The following BASP1 variants were observed in gnomAD, a reference collection of about 807,000 sequenced individuals.
BASP1 encodes the protein brain abundant membrane attached signal protein 1.
A neutral mutation model predicts 2.2 loss-of-function variants in BASP1; 1 was observed. The ratio of observed to expected loss-of-function variants is 0.46; its 90% CI spans 0.16 to 2.17. BASP1 has a LOEUF of 2.17. BASP1 is among the 30% of genes most tolerant of loss of function. BASP1 has a pLI of 0.27. For synonymous variants in BASP1, 187 were observed against 154.2 expected, an observed-to-expected ratio of 1.21 and a Z score of -1.58; for missense variants, 352 against 327.2, an observed-to-expected ratio of 1.08 and a Z score of -0.58.
At chr5:17,272,889 A>G (rs1579505201) in intron 1 of BASP1, among the ~76,000 whole-genome samples, 1 of 152,310 alleles carries the variant, frequency 6.6e-6, no homozygotes, top group South Asian at 2.1e-4. Context: ...ACCCAACATG[A>G]CTTTAAACCT....
chr5:17,225,224 A>C (rs2242415), intron 1 of BASP1, among the ~76,000 whole-genome samples: 45,953 of 151,736 alleles, frequency 0.3, 7,473 homozygotes, highest in Non-Finnish European at 0.37. Context: ...ACTGTCTGCA[A>C]CGTAAAACTT....
intron 1 of BASP1, among the ~76,000 whole-genome samples, chr5:17,271,937 G>T (rs1231911027): frequency 1.3e-5 from 2 of 151,968 alleles, no homozygotes; most frequent in Non-Finnish European, 2.9e-5. Flanking sequence ...CATGGTGGCA[G>T]GCTCCTGTAA....
chr5:17,254,383 T>C (rs1740159961), intron 1 of BASP1, among the ~76,000 whole-genome samples: 1 of 152,162 alleles, frequency 6.6e-6, no homozygotes, highest in Non-Finnish European at 1.5e-5. Context: ...GTTTGGGAAG[T>C]GCTATGAATC....
intron 1 of BASP1, among the ~76,000 whole-genome samples, chr5:17,228,098 T>C (rs1739553266): frequency 6.6e-6 from 1 of 152,258 alleles, no homozygotes; most frequent in South Asian, 2.1e-4. Flanking sequence ...GACCCGATGA[T>C]TGACTGATGG....
At chr5:17,235,575 T>A (rs1212905016) in intron 1 of BASP1, among the ~76,000 whole-genome samples, 1 of 152,148 alleles carries the variant, frequency 6.6e-6, no homozygotes, top group East Asian at 1.9e-4. Context: ...TCTTTATGTT[T>A]TTTCATATGA....
At chr5:17,274,183 T>C (rs1740582206) in intron 1 of BASP1, among the ~76,000 whole-genome samples, 1 of 152,220 alleles carries the variant, frequency 6.6e-6, no homozygotes, top group African/African-American at 2.4e-5. Context: ...CGTGCATGTA[T>C]AGTTTGAATT....
Position 17,276,019 on chromosome 5 carries a change from C to G in BASP1, c.*119C>G. The G allele has an allele frequency of 1.2e-6, 1 of 846,620 alleles. No individual in the cohort carries two copies. Among genetic ancestry groups the G allele is most frequent in the Non-Finnish European group, 1.7e-6 (1 of 588,672 alleles). The allele number at this position is 846,620 out of a possible 1,614,324, so 52.4% of individuals were successfully genotyped here. On this transcript the variant is annotated 3_prime_UTR_variant, in exon 2 of 2. Coordinates refer to ENST00000322611, the MANE Select transcript of BASP1 (RefSeq NM_006317.5). The stretch of plus-strand genomic sequence containing the variant: ...CTCTCTCCTCTCCTATCTCTCCTCT[C>G]TCTCTCTCCTATACTAACTTGTTTC...
Position 17,260,656 on chromosome 5 carries a change from T to C in BASP1, c.-9-14552T>C, listed in dbSNP as rs1436037405. 6.6e-6 allele frequency among the ~76,000 whole-genome samples: 1 copy of C among 152,228 alleles called. No homozygotes were observed. Among genetic ancestry groups the C allele is most frequent in the East Asian group, 1.9e-4 (1 of 5,198 alleles). ...CAACTTCTAGTCAGGGACTCTTCCA[T>C]CTTACAGTTCATAATTTGCAAATTA... is the stretch of plus-strand genomic sequence containing the variant. On this transcript the variant is annotated intron_variant, in intron 1 of 1. Transcript: ENST00000322611. This position sits in a 1 kb window ranked among gnomAD's most constrained non-coding sequence, Gnocchi z 4.2.
chr5:17,267,965 TA>T, intron 1 of BASP1, among the ~76,000 whole-genome samples: 1 of 152,032 alleles, frequency 6.6e-6, no homozygotes, highest in Admixed American at 6.6e-5. Context: ...TAAGATGATA[TA>T]TTTTTATGAC....
intron 1 of BASP1, among the ~76,000 whole-genome samples, chr5:17,224,453 G>C (rs1289650363): frequency 7.5e-6 from 1 of 132,488 alleles, no homozygotes. Context: ...GACTCTTCAG[G>C]GGGGGAAAAA....
chr5:17,219,033 C>T (rs1739333612), intron 1 of BASP1, among the ~76,000 whole-genome samples: 1 of 152,116 alleles, frequency 6.6e-6, no homozygotes, highest in Non-Finnish European at 1.5e-5. Context: ...GCCACTCGCA[C>T]TGTGGGGCGG....
At chr5:17,229,187 G>T (rs1429442647) in intron 1 of BASP1, among the ~76,000 whole-genome samples, 2 of 152,186 alleles carry the variant, frequency 1.3e-5, no homozygotes. Context: ...ACTGGCTGGG[G>T]ACACATTTCC....
chr5:17,267,687 T>G (rs1431192800), intron 1 of BASP1, among the ~76,000 whole-genome samples: 1 of 151,900 alleles, frequency 6.6e-6, no homozygotes, highest in Non-Finnish European at 1.5e-5. Flanking sequence ...CCTGGCTAAT[T>G]TTTGTATTTT....
At chr5:17,267,509 T>A (rs1251355854) in intron 1 of BASP1, among the ~76,000 whole-genome samples, 2 of 150,106 alleles carry the variant, frequency 1.3e-5, no homozygotes, top group African/African-American at 4.9e-5. Context: ...TTTGTTTGTA[T>A]TTTTTTTTGC....
At chr5:17,223,924 G>A (rs1380199332) in intron 1 of BASP1, among the ~76,000 whole-genome samples, 3 of 152,190 alleles carry the variant, frequency 2.0e-5, no homozygotes, top group African/African-American at 7.2e-5. Context: ...ACAGGCATCA[G>A]ATGCCCACCG....
At chr5:17,272,546 T>C (rs954066200) in intron 1 of BASP1, among the ~76,000 whole-genome samples, 2 of 152,150 alleles carry the variant, frequency 1.3e-5, no homozygotes. Flanking sequence ...TAGGAAACAG[T>C]TAATAGATGT....
At chr5:17,262,147 C>T (rs1258813842) in intron 1 of BASP1, among the ~76,000 whole-genome samples, 1 of 150,914 alleles carries the variant, frequency 6.6e-6, no homozygotes, top group African/African-American at 2.5e-5. Flanking sequence ...AGTAATTTTC[C>T]CTATTAGGCA....
chr5:17,259,346 T>C (rs1477173591), intron 1 of BASP1, among the ~76,000 whole-genome samples: 1 of 152,168 alleles, frequency 6.6e-6, no homozygotes, highest in Non-Finnish European at 1.5e-5. Context: ...ACGGGAATTG[T>C]GGGAGTTACA....
At position 17,256,324 on chromosome 5, in the gene BASP1, C is replaced by T. The variant is rs188895512; in HGVS notation, c.-9-18884C>T. Among the ~76,000 whole-genome samples the T allele has an allele frequency of 5.1e-4, 77 of 152,300 alleles. 1 individual carries two copies. The highest frequency in any genetic ancestry group is 3.4e-3 in the Middle Eastern group (1 of 294). On this transcript the variant is annotated intron_variant, in intron 1 of 1. Transcript: ENST00000322611. ...CAGAATTTAGCTCACAGGCTAGCATCGGCTCTGCTACCTTTGACCCTTTTA... is the reference window on the plus strand; with the variant it reads ...CAGAATTTAGCTCACAGGCTAGCATTGGCTCTGCTACCTTTGACCCTTTTA...
Sources: gnomAD v4.1 joint callset for allele counts (sites outside exome capture counted in the v4.1 genomes callset) on GRCh38, gnomAD v4.1.1 for gene constraint, Gnocchi (gnomAD v3.1) non-coding constraint, MANE v1.5 for transcripts, NCBI Gene and HGNC (gene_info 2026-07-23, HGNC 2026-07-21) for gene names.